CYP2C19: variants seen among roughly 807,000 people sequenced by gnomAD.
CYP2C19 encodes the protein cytochrome P450 2C19.
CYP2C19 carries 59 observed loss-of-function variants against 40.9 expected under a neutral mutation model. The ratio of observed to expected loss-of-function variants is 1.44; its 90% CI spans 1.17 to 1.79. The LOEUF (loss-of-function observed/expected upper bound fraction) is 1.79. CYP2C19 is among the 40% of genes most tolerant of loss of function. The pLI is 0.00. For missense variants in CYP2C19, 754 were observed against 596.9 expected, an observed-to-expected ratio of 1.26 and a Z score of -2.74; for synonymous variants, 253 against 208.7, an observed-to-expected ratio of 1.21 and a Z score of -1.83.
At chr10:94,789,412 C>T (rs1014992503) in intron 5 of CYP2C19, among the ~76,000 whole-genome samples, 1 of 151,960 alleles carries the variant, frequency 6.6e-6, no homozygotes, top group Admixed American at 6.6e-5. Flanking sequence ...GTCATAAAGT[C>T]CTTGCCCATG....
chr10:94,838,304 T>G (rs1043931721), intron 6 of CYP2C19, among the ~76,000 whole-genome samples: 17 of 152,304 alleles, frequency 1.1e-4, no homozygotes, highest in Admixed American at 2.0e-4. Context: ...ATCATTGACC[T>G]GACTGAGATA....
intron 5 of CYP2C19, among the ~76,000 whole-genome samples, chr10:94,793,890 C>T (rs1300959064): frequency 1.3e-5 from 2 of 152,162 alleles, no homozygotes; most frequent in Non-Finnish European, 2.9e-5. Context: ...TCAAAGCTGT[C>T]AGATAGGGAC....
Position 94,800,973 on chromosome 10 carries a change from C to T in CYP2C19, c.819+18976C>T, listed in dbSNP as rs114718647. 4.7e-3 allele frequency among the ~76,000 whole-genome samples: 711 copies of T among 152,328 alleles called. 3 individuals carry two copies. Among genetic ancestry groups the T allele is most frequent in the African/African-American group, 0.017 (688 of 41,574 alleles). On this transcript the variant is annotated intron_variant, in intron 5 of 8. Transcript: ENST00000371321. Reference sequence around the variant, plus strand: ...GGAAATCCCTTAACACCTTGCACTTCCTGGGTGAGGCAGTGCCCCACCCTT... The same window carrying T: ...GGAAATCCCTTAACACCTTGCACTTTCTGGGTGAGGCAGTGCCCCACCCTT...
intron 6 of CYP2C19, among the ~76,000 whole-genome samples, chr10:94,841,163 C>A (rs186560996): frequency 1.5e-3 from 221 of 152,284 alleles, no homozygotes; most frequent in Non-Finnish European, 2.3e-3. Flanking sequence ...TTGGGCCATG[C>A]AGTGAGTGTT....
At chr10:94,803,342 G>T (rs1300214033) in intron 5 of CYP2C19, among the ~76,000 whole-genome samples, 1 of 152,132 alleles carries the variant, frequency 6.6e-6, no homozygotes, top group Non-Finnish European at 1.5e-5. Flanking sequence ...GTTTACTTCT[G>T]TGGGTAGTTT....
chr10:94,843,993 A>T (rs775675415), intron 7 of CYP2C19, among the ~76,000 whole-genome samples: 2 of 152,194 alleles, frequency 1.3e-5, no homozygotes, highest in Admixed American at 6.5e-5. Flanking sequence ...GCACATAGAG[A>T]TGAATTTATA....
chr10:94,844,571 A>G (rs905486100), intron 7 of CYP2C19, among the ~76,000 whole-genome samples: 2 of 152,244 alleles, frequency 1.3e-5, no homozygotes, highest in Non-Finnish European at 2.9e-5. Context: ...AAAATTAAAA[A>G]TAATATAACC....
intron 5 of CYP2C19, among the ~76,000 whole-genome samples, chr10:94,784,243 G>T (rs1371757468): frequency 6.7e-6 from 1 of 149,256 alleles, no homozygotes; most frequent in African/African-American, 2.5e-5. Flanking sequence ...TTCTTTTTGT[G>T]GATAAAGTAT....
chr10:94,808,736 T>C (rs1848870764), intron 5 of CYP2C19, among the ~76,000 whole-genome samples: 1 of 152,140 alleles, frequency 6.6e-6, no homozygotes, highest in Non-Finnish European at 1.5e-5. Context: ...AATCTCCAAT[T>C]CTATCTGTGT....
chr10:94,798,814 A>ATTTTTTTTTTTTTTTTTTTTTTTTTTT, intron 5 of CYP2C19, among the ~76,000 whole-genome samples: 1 of 67,696 alleles, frequency 1.5e-5, no homozygotes, highest in Non-Finnish European at 2.8e-5. Context: ...GCAACCCCTG[A>ATTTTTTTTTTTTTTTTTTTTTTTTTTT]TTTTTTTTTT....
intron 3 of CYP2C19, among the ~76,000 whole-genome samples, chr10:94,779,847 A>C (rs1848459959): frequency 6.6e-6 from 1 of 152,152 alleles, no homozygotes; most frequent in African/African-American, 2.4e-5. Flanking sequence ...GGCATGAGCC[A>C]GTGTGCCCTA....
At chr10:94,798,552 C>T (rs2134251051) in intron 5 of CYP2C19, among the ~76,000 whole-genome samples, 1 of 152,094 alleles carries the variant, frequency 6.6e-6, no homozygotes, top group East Asian at 1.9e-4. Flanking sequence ...TCTTTGTTAA[C>T]CTTTTGTCTC....
intron 5 of CYP2C19, among the ~76,000 whole-genome samples, chr10:94,812,155 A>G (rs1199612485): frequency 6.6e-6 from 1 of 152,156 alleles, no homozygotes; most frequent in African/African-American, 2.4e-5. Context: ...GCTGGATATG[A>G]AATTCTGGGT....
intron 1 of CYP2C19, among the ~76,000 whole-genome samples, chr10:94,768,303 C>T (rs535415418): frequency 6.6e-6 from 1 of 152,286 alleles, no homozygotes; most frequent in East Asian, 1.9e-4. Flanking sequence ...ACTAACTTTG[C>T]CATAACCTGC....
intron 5 of CYP2C19, among the ~76,000 whole-genome samples, chr10:94,793,995 C>G (rs56391651): frequency 3.9e-5 from 6 of 152,068 alleles, no homozygotes; most frequent in Non-Finnish European, 7.4e-5. Context: ...CCTTGAGGTG[C>G]GGTGGTCTCC....
At chr10:94,807,192 A>G (rs1318581403) in intron 5 of CYP2C19, among the ~76,000 whole-genome samples, 3 of 152,128 alleles carry the variant, frequency 2.0e-5, no homozygotes, top group Non-Finnish European at 4.4e-5. Context: ...TTCTAATCTC[A>G]ACCATGTTGT....
At chr10:94,784,066 T>TC (rs1848510717) in intron 5 of CYP2C19, among the ~76,000 whole-genome samples, 1 of 152,016 alleles carries the variant, frequency 6.6e-6, no homozygotes, top group African/African-American at 2.4e-5. Context: ...ATCACTCCAT[T>TC]CCCCCACTCC....
Position 94,837,804 on chromosome 10 carries a change from G to T in CYP2C19, c.962-5033G>T, listed in dbSNP as rs187097857. On this transcript the variant is annotated intron_variant, in intron 6 of 8. Coordinates refer to ENST00000371321, the MANE Select transcript of CYP2C19 (RefSeq NM_000769.4). ...CTGGGGCTTGCCCCAGGCACCCTCA[G>T]TCCTGCTGCTGGATCATCTGGTTAG... is the stretch of plus-strand genomic sequence containing the variant. Among the ~76,000 whole-genome samples, 44 of 152,288 alleles carry T rather than the reference G, an allele frequency of 2.9e-4. No individual in the cohort carries two copies. In the East Asian group the frequency reaches 6.0e-3, roughly 21 times the overall value.
intron 5 of CYP2C19, among the ~76,000 whole-genome samples, chr10:94,800,771 T>G (rs1367283014): frequency 6.6e-6 from 1 of 152,166 alleles, no homozygotes; most frequent in Non-Finnish European, 1.5e-5. Flanking sequence ...AAGTTGATCT[T>G]AGACTGCTGT....
Sources: allele counts gnomAD v4.1 joint callset (sites outside exome capture counted in the v4.1 genomes callset), GRCh38; gene constraint gnomAD v4.1.1; transcripts MANE v1.5; gene names NCBI Gene and HGNC (gene_info 2026-07-23, HGNC 2026-07-21).